OSBPL9: variants seen among roughly 807,000 people sequenced by gnomAD.
OSBPL9 encodes the protein oxysterol-binding protein-related protein 9.
OSBPL9 carries 40 observed loss-of-function variants against 106.6 expected under a neutral mutation model. The observed-to-expected ratio is 0.38, with a 90% CI of 0.29 to 0.49. The LOEUF (loss-of-function observed/expected upper bound fraction) is 0.49, where lower values mean the gene tolerates loss of function less well. Ranked by LOEUF, OSBPL9 falls within the 20% of genes least tolerant of loss-of-function variation. The probability of loss-of-function intolerance (pLI) is 0.97; values close to 1 mark genes in which losing one functional copy is unlikely to be tolerated. For synonymous variants in OSBPL9, 269 were observed against 295.4 expected (o/e 0.91, Z 0.92); for missense variants, 609 against 887.2 (o/e 0.69, Z 3.98).
chr1:51,628,431 T>A (rs1644900209), intron 1 of OSBPL9, among the ~76,000 whole-genome samples: 1 of 151,860 alleles, frequency 6.6e-6, no homozygotes, highest in Admixed American at 6.6e-5. Context: ...TTAAAATTCC[T>A]ACGCTGGCCT....
intron 3 of OSBPL9, among the ~76,000 whole-genome samples, chr1:51,685,076 G>A (rs933219630): frequency 6.6e-6 from 1 of 151,944 alleles, no homozygotes; most frequent in African/African-American, 2.4e-5. Flanking sequence ...GAAAATACCA[G>A]TACTCAATTT....
intron 1 of OSBPL9, among the ~76,000 whole-genome samples, chr1:51,579,002 C>G (rs938094034): frequency 2.0e-5 from 3 of 151,902 alleles, no homozygotes; most frequent in Non-Finnish European, 4.4e-5. Context: ...TGTGATGTAG[C>G]TCAAATCAAA....
the OSBPL9 span, among the ~76,000 whole-genome samples, chr1:51,530,998 G>T: frequency 6.6e-6 from 1 of 151,696 alleles, no homozygotes; most frequent in Non-Finnish European, 1.5e-5. Flanking sequence ...ATAGGGCCAG[G>T]TGCGGTGGCT....
chr1:51,519,139 A>T, the OSBPL9 span: 1 of 1,238,112 alleles, frequency 8.1e-7, no homozygotes, highest in East Asian at 3.0e-5. Context: ...GGCGAAGCTG[A>T]GGGCGGTGGG....
chr1:51,572,050 T>C, the OSBPL9 span, among the ~76,000 whole-genome samples: 1 of 152,182 alleles, frequency 6.6e-6, no homozygotes, highest in Non-Finnish European at 1.5e-5. Flanking sequence ...CTCCAATTTC[T>C]CTCTACTCTG....
At chr1:51,584,018 A>G (rs983211593) in intron 1 of OSBPL9, among the ~76,000 whole-genome samples, 7 of 151,898 alleles carry the variant, frequency 4.6e-5, no homozygotes, top group African/African-American at 1.5e-4. Context: ...ACCAACATTT[A>G]TTTATTTATT....
At chr1:51,748,118 C>G (rs998046780) in intron 6 of OSBPL9, among the ~76,000 whole-genome samples, 3 of 152,058 alleles carry the variant, frequency 2.0e-5, no homozygotes, top group Non-Finnish European at 4.4e-5. Flanking sequence ...ATTATTCTTA[C>G]AAACCTTAAA....
chr1:51,523,702 T>A, the OSBPL9 span, among the ~76,000 whole-genome samples: 3 of 152,302 alleles, frequency 2.0e-5, no homozygotes, highest in South Asian at 6.2e-4. Context: ...AAATCCAGGA[T>A]GAGCCTAAAG....
the OSBPL9 span, among the ~76,000 whole-genome samples, chr1:51,568,285 C>A: frequency 1.3e-5 from 2 of 152,186 alleles, no homozygotes; most frequent in African/African-American, 2.4e-5. Flanking sequence ...TATACCATGT[C>A]ATTTAATTCT....
intron 2 of OSBPL9, among the ~76,000 whole-genome samples, chr1:51,655,959 C>G (rs542710299): frequency 6.6e-6 from 1 of 152,144 alleles, no homozygotes; most frequent in African/African-American, 2.4e-5. Context: ...ATTAAACTGC[C>G]GAGGCTTTTA....
chr1:51,788,766 A>AATAG lies in OSBPL9; in HGVS notation c.*991_*994dup, dbSNP rs1553199044. 0.014 allele frequency among the ~76,000 whole-genome samples: 2,192 copies of AATAG among 152,126 alleles called. 19 individuals are homozygous for AATAG. The highest frequency in any genetic ancestry group is 0.034 in the Middle Eastern group (10 of 294). On this transcript the variant is annotated 3_prime_UTR_variant, in exon 24 of 24. Transcript: ENST00000428468. ...AGATCCCCACCCCACAGTGAACAAA[A>AATAG]ATAGATAGATAGATAGAATAAAATG... is the stretch of plus-strand genomic sequence containing the variant.
At chr1:51,721,032 C>T (rs1049488625) in intron 4 of OSBPL9, among the ~76,000 whole-genome samples, 5 of 151,940 alleles carry the variant, frequency 3.3e-5, no homozygotes, top group African/African-American at 1.2e-4. Flanking sequence ...CTCCTGGCCT[C>T]AAGTGATCCA....
the OSBPL9 span, among the ~76,000 whole-genome samples, chr1:51,539,262 A>G: frequency 4.6e-5 from 7 of 151,648 alleles, no homozygotes; most frequent in African/African-American, 1.7e-4. Flanking sequence ...TGTCACTTCC[A>G]TCCCCCGGTT....
chr1:51,762,097 A>T, intron 11 of OSBPL9, 126 bp downstream of exon 11: 1 of 646,656 alleles, frequency 1.5e-6, no homozygotes, highest in South Asian at 1.9e-5. Context: ...GAGATATGTT[A>T]GTTTTAACAT....
chr1:51,607,712 A>G (rs2148605289), intron 2 of OSBPL9, among the ~76,000 whole-genome samples: 1 of 152,336 alleles, frequency 6.6e-6, no homozygotes, highest in East Asian at 1.9e-4. Context: ...ATCTGTTAGC[A>G]GCAGTGAATC....
At chr1:51,637,003 C>T (rs1304003610) in intron 1 of OSBPL9, among the ~76,000 whole-genome samples, 1 of 152,128 alleles carries the variant, frequency 6.6e-6, no homozygotes, top group Non-Finnish European at 1.5e-5. Context: ...AGAAAGATCA[C>T]TGATTTTACA....
At chr1:51,776,697 T>C (rs1675149637) in intron 14 of OSBPL9, 136 bp from the exon 15 acceptor site, 6 of 623,572 alleles carry the variant, frequency 9.6e-6, no homozygotes, top group Non-Finnish European at 1.7e-5. Flanking sequence ...TTTTGGAGCA[T>C]GCCTGGGCAA....
chr1:51,586,394 C>T (rs1401624817), intron 1 of OSBPL9, among the ~76,000 whole-genome samples: 1 of 152,020 alleles, frequency 6.6e-6, no homozygotes, highest in Non-Finnish European at 1.5e-5. Context: ...TTCCCCATGA[C>T]ATTAAAAACT....
the OSBPL9 span, among the ~76,000 whole-genome samples, chr1:51,564,793 C>T: frequency 2.6e-5 from 4 of 152,208 alleles, no homozygotes; most frequent in Admixed American, 2.6e-4. Context: ...TTTCCATCTT[C>T]CCTTGTTCCA....
Sources: gnomAD v4.1 joint callset for allele counts (sites outside exome capture counted in the v4.1 genomes callset) on GRCh38, gnomAD v4.1.1 for gene constraint, MANE v1.5 for transcripts, NCBI Gene and HGNC (gene_info 2026-07-23, HGNC 2026-07-21) for gene names.